OVCH2: variants seen among roughly 807,000 people sequenced by gnomAD.
OVCH2 encodes the protein ovochymase 2, also known as ovochymase-2.
In OVCH2, 88 loss-of-function variants were observed where a neutral mutation model predicts 73.7. The observed-to-expected ratio is 1.19, with a 90% CI of 1.01 to 1.43. The LOEUF (loss-of-function observed/expected upper bound fraction) is 1.43. Ranked by LOEUF, OVCH2 falls within the 40% of genes most tolerant of loss-of-function variation. The probability of loss-of-function intolerance (pLI) is 0.00; values close to 1 mark genes in which losing one functional copy is unlikely to be tolerated. For synonymous variants in OVCH2, 265 were observed against 234.5 expected, an observed-to-expected ratio of 1.13 and a Z score of -1.19; for missense variants, 706 against 674.5, an observed-to-expected ratio of 1.05 and a Z score of -0.52.
intron 7 of OVCH2, chr11:7,699,153 T>C (rs1054992794): frequency 4.0e-4 from 64 of 158,376 alleles, no homozygotes; most frequent in African/African-American, 1.5e-3. Context: ...TACCATACAC[T>C]TGAAAACAAA....
chr11:7,697,219 A>G (rs1355138517), intron 8 of OVCH2, among the ~76,000 whole-genome samples: 1 of 152,086 alleles, frequency 6.6e-6, no homozygotes, highest in African/African-American at 2.4e-5. Context: ...TGAAGAAATT[A>G]TTTGTGAGAC....
the OVCH2 span, among the ~76,000 whole-genome samples, chr11:7,680,782 G>T: frequency 1.3e-5 from 2 of 152,214 alleles, no homozygotes. Context: ...CACTAAATTT[G>T]TAGTAATTTG....
chr11:7,703,486 G>T (rs1162290407), intron 3 of OVCH2, among the ~76,000 whole-genome samples: 1 of 152,010 alleles, frequency 6.6e-6, no homozygotes, highest in African/African-American at 2.4e-5. Flanking sequence ...AAGTAAAAAC[G>T]AATTTTACCT....
chr11:7,693,539 C>G (rs1048518830), intron 12 of OVCH2, among the ~76,000 whole-genome samples: 1 of 152,188 alleles, frequency 6.6e-6, no homozygotes, highest in Non-Finnish European at 1.5e-5. Context: ...ATTTTTCAAT[C>G]ACTTCTGGCT....
chr11:7,700,079 G>C, intron 7 of OVCH2: 1 of 538,808 alleles, frequency 1.9e-6, no homozygotes, highest in Non-Finnish European at 3.3e-6. Flanking sequence ...AGGATGGATG[G>C]ATTCATTTTT....
the OVCH2 span, among the ~76,000 whole-genome samples, chr11:7,679,131 G>T: frequency 6.6e-6 from 1 of 152,262 alleles, no homozygotes; most frequent in African/African-American, 2.4e-5. Flanking sequence ...CCCCAGATAT[G>T]CCCACAACCT....
intron 3 of OVCH2, among the ~76,000 whole-genome samples, chr11:7,703,306 T>C (rs1346408469): frequency 6.6e-6 from 1 of 152,214 alleles, no homozygotes; most frequent in African/African-American, 2.4e-5. Context: ...GCCTACTTTC[T>C]ACTTTACTGG....
At position 7,701,451 on chromosome 11, in the gene OVCH2, T is replaced by C. The variant is rs1380626659; in HGVS notation, c.584A>G (p.Gln195Arg). Residue 195 changes from glutamine (Q) to arginine (R), a missense_variant, in exon 6 of 16, where the codon CAG becomes CGG. Transcript: ENST00000533663. ...GGTCAAAATAGGCAGATTCACTTCC[T>C]GCAAGACTTGTGAGAGGACGCCACC... ...TEGGVLSQVL[Q>R]EVNLPILTWE... The C allele has an allele frequency of 1.9e-6, 3 of 1,611,970 alleles. No individual in the cohort carries two copies. The highest frequency in any genetic ancestry group is 2.2e-5 in the East Asian group (1 of 44,822).
chr11:7,704,890 A>G (rs188269004), intron 1 of OVCH2, among the ~76,000 whole-genome samples: 70 of 152,288 alleles, frequency 4.6e-4, no homozygotes, highest in African/African-American at 1.7e-3. Flanking sequence ...CTGATTCACA[A>G]GTTGGTACTC....
intron 6 of OVCH2, among the ~76,000 whole-genome samples, chr11:7,700,805 G>A (rs1205755559): frequency 6.6e-6 from 1 of 152,204 alleles, no homozygotes; most frequent in Non-Finnish European, 1.5e-5. Context: ...GCCTTGGTTA[G>A]TAGGAAGAAT....
chr11:7,691,951 A>G lies in OVCH2; in HGVS notation c.1458T>C (p.Thr486=), dbSNP rs1856231216. Reference sequence around the variant, plus strand: ...CGCTGTGCACTGTCACATAGTCGGAAGTGCAGTCTCCACTTTCTTCTATTT... The same window carrying G: ...CGCTGTGCACTGTCACATAGTCGGAGGTGCAGTCTCCACTTTCTTCTATTT... ...SLEIEESGDC[T]SDYVTVHSDV... The change falls in exon 13 of 16, where the codon ACT becomes ACC. Residue 486 remains threonine (T), a synonymous_variant. Coordinates refer to ENST00000533663, the MANE Select transcript of OVCH2 (RefSeq NM_198185.7). 4 of 1,578,676 alleles carry G rather than the reference A, an allele frequency of 2.5e-6. No homozygotes were observed. The African/African-American group carries it at 5.4e-5, about 21-fold the overall frequency.
chr11:7,688,530 A>G (rs540551374), downstream of OVCH2, among the ~76,000 whole-genome samples: 124 of 152,338 alleles, frequency 8.1e-4, 1 homozygote, highest in South Asian at 9.5e-3. Context: ...CAAAGAAGCC[A>G]GAACAAAGAG....
the OVCH2 span, among the ~76,000 whole-genome samples, chr11:7,679,813 G>A: frequency 2.4e-4 from 36 of 152,280 alleles, no homozygotes; most frequent in Non-Finnish European, 3.1e-4. Context: ...AAGATGAATT[G>A]CCCACCAATG....
In OVCH2 at chr11:7,701,700, G is replaced by T; in HGVS notation, c.559+16C>A. The T allele has an allele frequency of 3.7e-6, 6 of 1,603,442 alleles. No individual in the cohort carries two copies. Among genetic ancestry groups the T allele is most frequent in the Non-Finnish European group, 5.1e-6 (6 of 1,173,434 alleles). On this transcript the variant is annotated intron_variant, in intron 5 of 15. Transcript: ENST00000533663. ...TTCTGACCTCTGCTTAAGAGGAATGGCACACAAGTTCTTACCTTCAGTTAA... is the reference window on the plus strand; with the variant it reads ...TTCTGACCTCTGCTTAAGAGGAATGTCACACAAGTTCTTACCTTCAGTTAA...
chr11:7,694,751 A>G lies in OVCH2; in HGVS notation c.1413+307T>C, dbSNP rs374631680. ...TCCAGCCTCCCGAGTAGCTGGGATT[A>G]CAGGCGCCCGCCACCGCGCCCGGCT... On this transcript the variant is annotated intron_variant, in intron 12 of 15. Transcript: ENST00000533663. 1.9e-4 allele frequency among the ~76,000 whole-genome samples: 28 copies of G among 150,404 alleles called. No individual in the cohort carries two copies. The South Asian group carries it at 4.8e-3, about 26-fold the overall frequency.
At chr11:7,678,792 G>A in the OVCH2 span, among the ~76,000 whole-genome samples, 2 of 152,178 alleles carry the variant, frequency 1.3e-5, no homozygotes, top group Non-Finnish European at 2.9e-5. Flanking sequence ...CTAGAAGGGA[G>A]AGGAAGGGAA....
intron 14 of OVCH2, 121 bp from the exon 15 acceptor site, chr11:7,690,134 C>T: frequency 3.0e-6 from 2 of 666,866 alleles, no homozygotes; most frequent in Non-Finnish European, 5.0e-6. Flanking sequence ...CAGCTAGACT[C>T]TATAGGTATT....
Position 7,701,322 on chromosome 11 carries a change from A to C in OVCH2, c.711+2T>G, listed in dbSNP as rs1373021647. The C allele has an allele frequency of 8.1e-6, 13 of 1,610,196 alleles. No individual in the cohort carries two copies. Among genetic ancestry groups the C allele is most frequent in the Non-Finnish European group, 1.0e-5 (12 of 1,178,892 alleles). On this transcript the variant is annotated splice_donor_variant, in intron 6 of 15. Coordinates refer to ENST00000533663, the MANE Select transcript of OVCH2 (RefSeq NM_198185.7). LOFTEE classifies it high-confidence loss of function. ...CCTGACAGCCCCGCAGCTCCCACCC[A>C]CCTGACATGCGTCTCTCCCTCCATC...
At chr11:7,700,851 T>C (rs1355107345) in intron 6 of OVCH2, among the ~76,000 whole-genome samples, 2 of 152,178 alleles carry the variant, frequency 1.3e-5, no homozygotes. Context: ...ATCCACAAAC[T>C]GGAAAATTCT....
Sources: gnomAD v4.1 joint callset for allele counts (sites outside exome capture counted in the v4.1 genomes callset) on GRCh38, gnomAD v4.1.1 for gene constraint, MANE v1.5 for transcripts, NCBI Gene and HGNC (gene_info 2026-07-23, HGNC 2026-07-21) for gene names.